The following GABARAPL1 variants were observed in gnomAD, a reference collection of about 807,000 sequenced individuals.
The protein encoded by GABARAPL1 is GABA type A receptor associated protein like 1.
In GABARAPL1, 4 loss-of-function variants were observed where a neutral mutation model predicts 14.5. The ratio of observed to expected loss-of-function variants is 0.28; its 90% CI spans 0.14 to 0.63. GABARAPL1 has a LOEUF of 0.63. GABARAPL1 is among the 30% of genes least tolerant of loss of function. The pLI, the probability that GABARAPL1 is intolerant of heterozygous loss-of-function variation, is 0.84. For synonymous variants in GABARAPL1, 47 were observed against 50.6 expected, an observed-to-expected ratio of 0.93 and a Z score of 0.30; for missense variants, 82 against 139.2, an observed-to-expected ratio of 0.59 and a Z score of 2.07.
intron 1 of GABARAPL1, 63 bp downstream of exon 1, chr12:10,213,282 C>A: frequency 1.9e-6 from 2 of 1,029,012 alleles, no homozygotes; most frequent in South Asian, 1.4e-5. Context: ...GGCGGGTAGT[C>A]GAGATGGCTT....
In GABARAPL1 at chr12:10,220,564, G is replaced by A. The variant is rs1358002789; in HGVS notation, c.288+6G>A. ...CCATGGGCCAACTGTATGAGGTAAT[G>A]GTTCTGGTTGCACAATACTGGATGC... On this transcript the variant is annotated splice_donor_region_variant and intron_variant, in intron 3 of 3. Coordinates refer to ENST00000266458, the MANE Select transcript of GABARAPL1 (RefSeq NM_031412.4). The A allele has an allele frequency of 6.2e-7, 1 of 1,614,072 alleles. No homozygotes were observed. The highest frequency in any genetic ancestry group is 1.7e-5 in the Admixed American group (1 of 60,016).
chr12:10,219,738 T>G (rs569943380), intron 2 of GABARAPL1, among the ~76,000 whole-genome samples: 1 of 152,184 alleles, frequency 6.6e-6, no homozygotes, highest in East Asian at 1.9e-4. Flanking sequence ...GAGGTGGAGA[T>G]TGCAGTGAGC....
Position 10,221,777 on chromosome 12 carries a change from C to A in GABARAPL1, c.289-10C>A. On this transcript the variant is annotated splice_polypyrimidine_tract_variant and intron_variant, in intron 3 of 3. Transcript: ENST00000266458. ...TGTTTTCTAAACTGTTGTCTTATCT[C>A]TTCCCCTAGGACAATCATGAGGAAG... is the stretch of plus-strand genomic sequence containing the variant. The A allele has an allele frequency of 1.2e-6, 2 of 1,613,812 alleles. No homozygotes were observed. The highest frequency in any genetic ancestry group is 1.7e-6 in the Non-Finnish European group (2 of 1,179,768).
At chr12:10,214,754 T>C (rs1365485590) in intron 1 of GABARAPL1, 1 of 152,230 alleles carries the variant, frequency 6.6e-6, no homozygotes, top group African/African-American at 2.4e-5. Context: ...ATTCCAACCC[T>C]GTCTGAAGGA....
Position 10,214,318 on chromosome 12 carries a change from A to C in GABARAPL1, c.90+1099A>C, listed in dbSNP as rs566049158. 25 of 155,446 alleles carry C rather than the reference A, an allele frequency of 1.6e-4. No individual in the cohort carries two copies. In the South Asian group the frequency reaches 4.0e-3, roughly 25 times the overall value. The allele number at this position is 155,446 out of a possible 1,614,324, so 9.6% of individuals were successfully genotyped here. A position where few individuals can be genotyped will look rare whatever the true frequency, so the allele number is the denominator to read the frequency against. ...TAACGTTCGTGGTTTTATAGCTACC[A>C]GAAGCCACCAGGGCCTTAGCCCAGC... On this transcript the variant is annotated intron_variant, in intron 1 of 3. Transcript: ENST00000266458.
chr12:10,221,348 A>G (rs945532182), intron 3 of GABARAPL1: 2 of 981,722 alleles, frequency 2.0e-6, no homozygotes, highest in Non-Finnish European at 2.4e-6. Flanking sequence ...CTGGGATTAT[A>G]ACTATTGTTT....
intron 1 of GABARAPL1, chr12:10,213,422 G>C (rs1190876754): frequency 1.6e-6 from 1 of 644,668 alleles, no homozygotes; most frequent in East Asian, 3.0e-5. Context: ...CCTGGGCCCC[G>C]AACCCCACTT....
At chr12:10,216,604 ATCT>A (rs1592004472) in intron 1 of GABARAPL1, among the ~76,000 whole-genome samples, 1 of 139,218 alleles carries the variant, frequency 7.2e-6, no homozygotes, top group East Asian at 2.1e-4. Context: ...TAGTGGCACG[ATCT>A]TGGCTCACCG....
intron 1 of GABARAPL1, among the ~76,000 whole-genome samples, chr12:10,217,362 G>A (rs1029518160): frequency 4.0e-4 from 61 of 152,072 alleles, no homozygotes; most frequent in African/African-American, 1.4e-3. Context: ...TTAATAAATG[G>A]TATTTATGAG....
At chr12:10,213,543 C>T (rs1949070451) in intron 1 of GABARAPL1, 4 of 339,606 alleles carry the variant, frequency 1.2e-5, no homozygotes, top group Non-Finnish European at 2.3e-5. Context: ...AAAATAGGGC[C>T]CCTGTGGGCG....
intron 1 of GABARAPL1, among the ~76,000 whole-genome samples, chr12:10,215,860 A>G (rs10845074): frequency 0.62 from 94,277 of 151,346 alleles, 30,542 homozygotes; most frequent in Admixed American, 0.75. Context: ...ACAAGAACAC[A>G]AAACAACTTT....
intron 2 of GABARAPL1, among the ~76,000 whole-genome samples, chr12:10,219,333 C>CAAA (rs374863932): frequency 7.2e-6 from 1 of 139,310 alleles, no homozygotes; most frequent in Admixed American, 7.3e-5. Context: ...AAACAAAAAA[C>CAAA]AAAAAAAAAA....
Position 10,221,920 on chromosome 12 carries a change from A to C in GABARAPL1, c.*68A>C. 1 of 1,438,592 alleles carries C rather than the reference A, an allele frequency of 7.0e-7. No individual in the cohort carries two copies. Among genetic ancestry groups the C allele is most frequent in the East Asian group, 2.3e-5 (1 of 44,036 alleles). The allele number at this position is 1,438,592 out of a possible 1,614,324, so 89.1% of individuals were successfully genotyped here. On this transcript the variant is annotated 3_prime_UTR_variant, in exon 4 of 4. Coordinates refer to ENST00000266458, the MANE Select transcript of GABARAPL1 (RefSeq NM_031412.4). ...TAGGGGAGGGGTGTGTGTGCGCGACATGGGGAAAGAGGGTGGCTCCCACCG... is the reference window on the plus strand; with the variant it reads ...TAGGGGAGGGGTGTGTGTGCGCGACCTGGGGAAAGAGGGTGGCTCCCACCG...
At chr12:10,214,324 C>T (rs1229248299) in intron 1 of GABARAPL1, 2 of 154,896 alleles carry the variant, frequency 1.3e-5, no homozygotes, top group Admixed American at 1.3e-4. Flanking sequence ...TACCAGAAGC[C>T]ACCAGGGCCT....
intron 1 of GABARAPL1, among the ~76,000 whole-genome samples, chr12:10,216,320 G>A (rs898127368): frequency 1.3e-5 from 2 of 151,850 alleles, no homozygotes; most frequent in Non-Finnish European, 2.9e-5. Context: ...GCAGTGATCC[G>A]AGATCAGGCC....
intron 1 of GABARAPL1, among the ~76,000 whole-genome samples, chr12:10,215,509 C>CAGGG (rs1195025490): frequency 6.6e-6 from 1 of 152,156 alleles, no homozygotes; most frequent in East Asian, 1.9e-4. Context: ...GCATCTAGCC[C>CAGGG]AGGGGTCTAC....
intron 1 of GABARAPL1, among the ~76,000 whole-genome samples, chr12:10,216,111 C>T (rs372129112): frequency 6.6e-6 from 1 of 152,258 alleles, no homozygotes; most frequent in East Asian, 1.9e-4. Context: ...TGGCTCACAC[C>T]TGTAATCGCA....
chr12:10,213,946 G>T, intron 1 of GABARAPL1: 1 of 447,966 alleles, frequency 2.2e-6, no homozygotes. Context: ...TTTGGACACC[G>T]GCTTAAGTAG....
Position 10,212,935 on chromosome 12 carries a change from C to G in GABARAPL1, c.-195C>G. 1.8e-6 allele frequency: 1 copy of G among 570,208 alleles called. No individual in the cohort carries two copies. The highest frequency in any genetic ancestry group is 3.2e-6 in the Non-Finnish European group (1 of 315,670). The allele number at this position is 570,208 out of a possible 1,614,324, so 35.3% of individuals were successfully genotyped here. On this transcript the variant is annotated 5_prime_UTR_variant, in exon 1 of 4. Coordinates refer to ENST00000266458, the MANE Select transcript of GABARAPL1 (RefSeq NM_031412.4). Reference sequence around the variant, plus strand: ...CGGTATTTCTCCATCTGGCTCTCCTCTACCTCCAGGCAGGCTCACCCGAGA... The same window carrying G: ...CGGTATTTCTCCATCTGGCTCTCCTGTACCTCCAGGCAGGCTCACCCGAGA...
Sources: allele counts gnomAD v4.1 joint callset (sites outside exome capture counted in the v4.1 genomes callset), GRCh38; gene constraint gnomAD v4.1.1; transcripts MANE v1.5; gene names NCBI Gene and HGNC (gene_info 2026-07-23, HGNC 2026-07-21).